The following POLR3B variants were observed in gnomAD, a reference collection of about 807,000 sequenced individuals.
POLR3B encodes RNA polymerase III subunit B, also known as DNA-directed RNA polymerase III subunit RPC2.
A neutral mutation model predicts 147.4 loss-of-function variants in POLR3B; 96 were observed. The ratio of observed to expected loss-of-function variants is 0.65; its 90% CI spans 0.55 to 0.77. POLR3B has a LOEUF of 0.77. Ranked by LOEUF, POLR3B falls within the 30% of genes least tolerant of loss-of-function variation. The pLI, the probability that POLR3B is intolerant of heterozygous loss-of-function variation, is 0.00. For missense variants in POLR3B, 1,036 were observed against 1,413.5 expected, an observed-to-expected ratio of 0.73 and a Z score of 4.28; for synonymous variants, 461 against 485.9, an observed-to-expected ratio of 0.95 and a Z score of 0.67.
intron 8 of POLR3B, 45 bp downstream of exon 8, chr12:106,378,429 C>A: frequency 8.6e-7 from 1 of 1,165,440 alleles, no homozygotes; most frequent in Non-Finnish European, 1.3e-6. Flanking sequence ...TTGGTCATTC[C>A]ATTAGTCCTA....
intron 12 of POLR3B, among the ~76,000 whole-genome samples, chr12:106,415,869 A>T (rs951962864): frequency 1.3e-5 from 2 of 152,156 alleles, no homozygotes; most frequent in East Asian, 3.9e-4. Flanking sequence ...TTTCCCTCTG[A>T]CTCAGTTCCC....
intron 23 of POLR3B, among the ~76,000 whole-genome samples, chr12:106,470,922 C>T (rs1423709279): frequency 3.3e-5 from 5 of 152,140 alleles, no homozygotes; most frequent in African/African-American, 1.2e-4. Flanking sequence ...GGTCAGGGAC[C>T]TACTTGAGGA....
chr12:106,433,371 T>C (rs7301694), intron 15 of POLR3B, among the ~76,000 whole-genome samples: 3,766 of 152,312 alleles, frequency 0.025, 160 homozygotes, highest in African/African-American at 0.085. Flanking sequence ...TCTCAGTACT[T>C]TAAATGATCA....
intron 10 of POLR3B, among the ~76,000 whole-genome samples, chr12:106,399,239 G>C (rs1015309323): frequency 6.6e-6 from 1 of 152,140 alleles, no homozygotes; most frequent in African/African-American, 2.4e-5. Flanking sequence ...GATGGAAGAC[G>C]AAATGAATGA....
At chr12:106,443,253 A>T (rs1041312921) in intron 18 of POLR3B, among the ~76,000 whole-genome samples, 2 of 152,210 alleles carry the variant, frequency 1.3e-5, no homozygotes, top group Non-Finnish European at 2.9e-5. Flanking sequence ...TTGGATGCCA[A>T]TTTTTTATCA....
intron 16 of POLR3B, 124 bp from the exon 17 acceptor site, chr12:106,436,933 T>G: frequency 1.3e-6 from 1 of 767,272 alleles, no homozygotes. Context: ...CCTGGTGTCC[T>G]CAGCAATCCA....
intron 23 of POLR3B, among the ~76,000 whole-genome samples, chr12:106,487,003 G>C (rs2038350180): frequency 6.6e-6 from 1 of 152,184 alleles, no homozygotes; most frequent in Non-Finnish European, 1.5e-5. Flanking sequence ...AGTGCACTTG[G>C]AACCTTCACA....
At chr12:106,505,720 C>T (rs1325371595) in intron 27 of POLR3B, among the ~76,000 whole-genome samples, 1 of 151,860 alleles carries the variant, frequency 6.6e-6, no homozygotes, top group East Asian at 2.0e-4. Context: ...AGGGGCCATC[C>T]CCAAGATAGA....
rs1565909279 is a variant in POLR3B, at chr12:106,477,891, C to CCTTTT, written c.2713+14271_2713+14272insCTTTT. 2.6e-4 allele frequency among the ~76,000 whole-genome samples: 18 copies of CCTTTT among 70,478 alleles called. 4 individuals carry two copies. In the South Asian group the frequency reaches 2.8e-3, roughly 11 times the overall value. The allele number at this position is 70,478 out of a possible 152,430, so 46.2% of individuals were successfully genotyped here. ...CTATTCGGCCATCTTGGCTCCTCCC[C>CCTTTT]TTTTTTTTTTTTTTTTTTTTTTTTT... On this transcript the variant is annotated intron_variant, in intron 23 of 27. Transcript: ENST00000228347.
At chr12:106,478,156 C>T (rs1029252629) in intron 23 of POLR3B, among the ~76,000 whole-genome samples, 3 of 152,016 alleles carry the variant, frequency 2.0e-5, no homozygotes, top group Non-Finnish European at 4.4e-5. Flanking sequence ...ATCCATCCAC[C>T]TCAGCCTCCC....
At chr12:106,482,799 T>C (rs552786160) in intron 23 of POLR3B, among the ~76,000 whole-genome samples, 18 of 152,326 alleles carry the variant, frequency 1.2e-4, no homozygotes, top group African/African-American at 4.1e-4. Context: ...TATCCACTTA[T>C]GATGTTTGAG....
intron 6 of POLR3B, among the ~76,000 whole-genome samples, chr12:106,370,746 C>G (rs1478977453): frequency 6.6e-6 from 1 of 151,710 alleles, no homozygotes; most frequent in Non-Finnish European, 1.5e-5. Flanking sequence ...GTTCTCTAGC[C>G]TCAGCCTCCT....
chr12:106,507,662 C>T, intron 27 of POLR3B: 1 of 396,498 alleles, frequency 2.5e-6, no homozygotes, highest in Non-Finnish European at 5.0e-6. Flanking sequence ...GGATCAAATA[C>T]AGGTTAAGCA....
intron 12 of POLR3B, among the ~76,000 whole-genome samples, chr12:106,421,333 A>C (rs1363901815): frequency 6.6e-6 from 1 of 152,186 alleles, no homozygotes; most frequent in East Asian, 1.9e-4. Flanking sequence ...GTCAGAGTCA[A>C]GTTAAATTTT....
In POLR3B at chr12:106,509,827, C is replaced by A; in HGVS notation, c.*278C>A. ...GACCTAAAGGATAAATAAGCTATTA[C>A]TTATGTGCTGATCTCTTGACATTCA... On this transcript the variant is annotated 3_prime_UTR_variant, in exon 28 of 28. Coordinates refer to ENST00000228347, the MANE Select transcript of POLR3B (RefSeq NM_018082.6). 1 of 369,326 alleles carries A rather than the reference C, an allele frequency of 2.7e-6. No individual in the cohort carries two copies. Among genetic ancestry groups the A allele is most frequent in the South Asian group, 2.3e-5 (1 of 42,642 alleles). The allele number at this position is 369,326 out of a possible 1,614,324, so 22.9% of individuals were successfully genotyped here.
At chr12:106,458,474 T>C (rs1231612621) in intron 21 of POLR3B, among the ~76,000 whole-genome samples, 2 of 152,142 alleles carry the variant, frequency 1.3e-5, no homozygotes, top group Admixed American at 6.5e-5. Flanking sequence ...TTTTGAATGA[T>C]CATTCTGACT....
chr12:106,357,887 T>A lies in POLR3B; in HGVS notation c.8T>A (p.Val3Glu). Residue 3 changes from valine (V) to glutamate (E), a missense_variant, in exon 1 of 28, where the codon GTG (valine) becomes GAG (glutamate). By Grantham distance (121) the Val-to-Glu change is moderately radical (BLOSUM62 -2). Coordinates refer to ENST00000228347, the MANE Select transcript of POLR3B (RefSeq NM_018082.6). MD[V>E]LAEEFGNLTP... is the part of the protein sequence containing the mutation. ...TCCTCCTTCGTGAGCAGCATGGACG[T>A]GCTAGCGGAGGAGTTTGGGAACCTG... is the stretch of plus-strand genomic sequence containing the variant. 6.2e-7 allele frequency: 1 copy of A among 1,613,628 alleles called. No homozygotes were observed.
At chr12:106,410,164 C>T (rs1416800898) in intron 11 of POLR3B, 1 of 152,672 alleles carries the variant, frequency 6.5e-6, no homozygotes, top group Non-Finnish European at 1.5e-5. Flanking sequence ...TTGTGTATCT[C>T]ATGATTCTGT....
At chr12:106,499,397 G>T (rs2038558432) in intron 25 of POLR3B, among the ~76,000 whole-genome samples, 1 of 152,198 alleles carries the variant, frequency 6.6e-6, no homozygotes, top group South Asian at 2.1e-4. Flanking sequence ...TATGCCCCCA[G>T]CCAGAGTTTT....
Sources: allele counts gnomAD v4.1 joint callset (sites outside exome capture counted in the v4.1 genomes callset), GRCh38; gene constraint gnomAD v4.1.1; transcripts MANE v1.5; gene names NCBI Gene and HGNC (gene_info 2026-07-23, HGNC 2026-07-21).